The following CFAP54 variants were observed in gnomAD, a reference collection of about 807,000 sequenced individuals.
The protein encoded by CFAP54 is cilia and flagella associated protein 54.
CFAP54 carries 290 observed loss-of-function variants against 370.4 expected under a neutral mutation model. The ratio of observed to expected loss-of-function variants is 0.78; its 90% CI spans 0.71 to 0.86. The LOEUF (loss-of-function observed/expected upper bound fraction) is 0.86. Ranked by LOEUF, CFAP54 falls within the 40% of genes least tolerant of loss-of-function variation. The pLI is 0.00. For synonymous variants in CFAP54, 1,206 were observed against 1,236.5 expected (o/e 0.98, Z 0.52); for missense variants, 3,399 against 3,528.7 (o/e 0.96, Z 0.93).
chr12:96,743,955 T>G (rs751341793), intron 54 of CFAP54, 45 bp downstream of exon 54: 1 of 1,600,472 alleles, frequency 6.2e-7, no homozygotes, highest in African/African-American at 1.3e-5. Flanking sequence ...CTTACTTTTC[T>G]CTCTTTCCTC....
In CFAP54 at chr12:96,644,396, A is replaced by C. The variant is rs913991451; in HGVS notation, c.4535A>C (p.His1512Pro). 6.5e-7 allele frequency: 1 copy of C among 1,532,084 alleles called. No homozygotes were observed. The highest frequency in any genetic ancestry group is 1.4e-5 in the African/African-American group (1 of 72,974). 94.9% of individuals were successfully genotyped at this position (1,532,084 alleles called of 1,614,324 possible). A position where few individuals can be genotyped will look rare whatever the true frequency, so the allele number is the denominator to read the frequency against. The change falls in exon 33 of 68, where the codon CAT becomes CCT. Residue 1512 changes from histidine (H) to proline (P), a missense_variant. Physicochemically the swap from His to Pro is moderately conservative, Grantham distance 77. Transcript: ENST00000524981. The part of the protein sequence containing the change: ...ECTKMKFGTS[H>P]MMVSFRSCDP... ...ACGAAGATGAAATTTGGCACATCAC[A>C]TATGATGGTCAGGTATAGTATATTA...
At chr12:96,547,684 G>A (rs1187694402) in intron 14 of CFAP54, among the ~76,000 whole-genome samples, 2 of 152,210 alleles carry the variant, frequency 1.3e-5, no homozygotes, top group South Asian at 2.1e-4. Context: ...TAATTAAAAA[G>A]TAATTAATTT....
intron 26 of CFAP54, among the ~76,000 whole-genome samples, chr12:96,605,918 T>C (rs1956294964): frequency 6.6e-6 from 1 of 152,106 alleles, no homozygotes; most frequent in Non-Finnish European, 1.5e-5. Flanking sequence ...GGTAAAATAA[T>C]TGGTGAATTG....
chr12:96,664,016 T>C (rs1347816691), intron 39 of CFAP54, 84 bp downstream of exon 39: 1 of 978,032 alleles, frequency 1.0e-6, no homozygotes, highest in Admixed American at 2.4e-5. Flanking sequence ...CTTCCATAAT[T>C]AGTATGTTTG....
intron 8 of CFAP54, among the ~76,000 whole-genome samples, chr12:96,524,203 C>G (rs889814293): frequency 1.1e-4 from 16 of 152,116 alleles, no homozygotes; most frequent in Admixed American, 5.9e-4. Flanking sequence ...ATTCAGACTC[C>G]TAATGATTGA....
intron 1 of CFAP54, among the ~76,000 whole-genome samples, chr12:96,490,996 A>T (rs1954877390): frequency 6.6e-6 from 1 of 151,616 alleles, no homozygotes; most frequent in South Asian, 2.1e-4. Context: ...TTTTTGAGAC[A>T]GGGTCTCACT....
At chr12:96,562,605 T>A (rs1171960913) in intron 17 of CFAP54, among the ~76,000 whole-genome samples, 1 of 151,826 alleles carries the variant, frequency 6.6e-6, no homozygotes, top group Non-Finnish European at 1.5e-5. Context: ...TTTTGTATTT[T>A]TTTTAGTAGA....
chr12:96,505,840 C>T (rs1955093846), intron 3 of CFAP54, among the ~76,000 whole-genome samples: 1 of 122,026 alleles, frequency 8.2e-6, no homozygotes. Flanking sequence ...TTCAATGCTG[C>T]ATGAGCCTGG....
Position 96,489,827 on chromosome 12 carries a change from C to G in CFAP54, c.218C>G (p.Ala73Gly). Reference sequence around the variant, plus strand: ...CTGGACGCGAAAAACCCGCTCCTGGCCTCTTGTGAGAAGGAGATCCAGGAG... The same window carrying G: ...CTGGACGCGAAAAACCCGCTCCTGGGCTCTTGTGAGAAGGAGATCCAGGAG... Reference protein sequence around the residue: ...GPLDAKNPLLASCEKEIQELL... With the variant: ...GPLDAKNPLLGSCEKEIQELL... Residue 73 changes from alanine (A) to glycine (G), a missense_variant, in exon 1 of 68, where the codon GCC (alanine) becomes GGC (glycine). By Grantham distance (60) the Ala-to-Gly change is moderately conservative. Coordinates refer to ENST00000524981, the MANE Select transcript of CFAP54 (RefSeq NM_001306084.2). 6.5e-7 allele frequency: 1 copy of G among 1,536,124 alleles called. No individual in the cohort carries two copies. Among genetic ancestry groups the G allele is most frequent in the Non-Finnish European group, 8.7e-7 (1 of 1,146,912 alleles).
At chr12:96,510,265 A>G (rs1955151096) in intron 4 of CFAP54, among the ~76,000 whole-genome samples, 2 of 151,874 alleles carry the variant, frequency 1.3e-5, no homozygotes, top group African/African-American at 2.4e-5. Flanking sequence ...AAAAAAAAAA[A>G]AAAAAAGAAC....
chr12:96,541,995 T>C (rs1194813197), intron 14 of CFAP54, among the ~76,000 whole-genome samples: 1 of 152,108 alleles, frequency 6.6e-6, no homozygotes, highest in Non-Finnish European at 1.5e-5. Context: ...CTGACCTCCT[T>C]GTTCTTTGTT....
chr12:96,603,642 C>T (rs1405117398), intron 26 of CFAP54, among the ~76,000 whole-genome samples: 1 of 152,182 alleles, frequency 6.6e-6, no homozygotes, highest in Non-Finnish European at 1.5e-5. Context: ...TTCTTGTAGG[C>T]TTTGTTCGTT....
At chr12:96,715,294 A>T (rs186454393) in intron 48 of CFAP54, among the ~76,000 whole-genome samples, 12 of 152,220 alleles carry the variant, frequency 7.9e-5, no homozygotes. Context: ...GTTTTTTCCC[A>T]GCCACATTAA....
intron 63 of CFAP54, among the ~76,000 whole-genome samples, chr12:96,807,071 G>A (rs1958889635): frequency 6.6e-6 from 1 of 152,128 alleles, no homozygotes; most frequent in Non-Finnish European, 1.5e-5. Flanking sequence ...ATTCTCCACT[G>A]CTGCATCATA....
chr12:96,606,670 G>A (rs1956304438), intron 26 of CFAP54, among the ~76,000 whole-genome samples: 1 of 152,142 alleles, frequency 6.6e-6, no homozygotes, highest in African/African-American at 2.4e-5. Context: ...GATTATAGTA[G>A]CCTGAGCGGG....
At chr12:96,647,735 T>C (rs1956812312) in intron 33 of CFAP54, 140 bp from the exon 34 acceptor site, 1 of 686,212 alleles carries the variant, frequency 1.5e-6, no homozygotes, top group Admixed American at 4.0e-5. Flanking sequence ...TGTTGGGCTT[T>C]GATTAAGTGA....
chr12:96,503,614 A>G (rs1027966646), intron 2 of CFAP54, among the ~76,000 whole-genome samples: 2 of 152,164 alleles, frequency 1.3e-5, no homozygotes, highest in Admixed American at 1.3e-4. Context: ...AGGTATTACC[A>G]TGCACAGTGC....
intron 45 of CFAP54, among the ~76,000 whole-genome samples, chr12:96,698,743 T>C (rs1450052803): frequency 6.6e-6 from 1 of 152,132 alleles, no homozygotes; most frequent in Admixed American, 6.5e-5. Context: ...TTGTCACCAG[T>C]AGAGGGCTGT....
intron 64 of CFAP54, 74 bp downstream of exon 64, chr12:96,811,916 C>A: frequency 1.1e-6 from 1 of 873,502 alleles, no homozygotes; most frequent in Non-Finnish European, 1.7e-6. Flanking sequence ...CAGTAATTGG[C>A]AAGGTGTAGC....
Sources: gnomAD v4.1 joint callset for allele counts (sites outside exome capture counted in the v4.1 genomes callset) on GRCh38, gnomAD v4.1.1 for gene constraint, MANE v1.5 for transcripts, NCBI Gene and HGNC (gene_info 2026-07-23, HGNC 2026-07-21) for gene names.